EXT1: variants seen among roughly 807,000 people sequenced by gnomAD.
EXT1 encodes the protein exostosin-1.
In EXT1, 20 loss-of-function variants were observed where a neutral mutation model predicts 82.5. That is an observed-to-expected ratio of 0.24 (90% CI 0.17 to 0.35). The LOEUF (loss-of-function observed/expected upper bound fraction) is 0.35. Among genes scored for constraint, EXT1 ranks in the 10% least tolerant of loss-of-function variants. The pLI is 1.00. For synonymous variants in EXT1, 348 were observed against 350.8 expected (o/e 0.99, Z 0.09); for missense variants, 757 against 936.5 (o/e 0.81, Z 2.50).
At chr8:117,941,205 T>C (rs973068710) in intron 1 of EXT1, among the ~76,000 whole-genome samples, 12 of 152,170 alleles carry the variant, frequency 7.9e-5, no homozygotes, top group Non-Finnish European at 1.3e-4. Context: ...AGTAGGGAGA[T>C]TGTCATGTGC....
intron 1 of EXT1, among the ~76,000 whole-genome samples, chr8:118,073,117 G>A (rs991523074): frequency 1.3e-5 from 2 of 152,214 alleles, no homozygotes; most frequent in African/African-American, 2.4e-5. Context: ...AAAAGTTGTA[G>A]TGAAGTCCAC....
chr8:117,804,702 G>T lies in EXT1; in HGVS notation c.2055+20C>A. 1 of 1,613,816 alleles carries T rather than the reference G, an allele frequency of 6.2e-7. No homozygotes were observed. The highest frequency in any genetic ancestry group is 8.5e-7 in the Non-Finnish European group (1 of 1,179,746). On this transcript the variant is annotated intron_variant, in intron 10 of 10. Transcript: ENST00000378204. ...ACCACCAGTGAGTGAAGCAAGGGAAGAGGGCTCTTCTATACTTACCTGTCC... is the reference window on the plus strand; with the variant it reads ...ACCACCAGTGAGTGAAGCAAGGGAATAGGGCTCTTCTATACTTACCTGTCC...
chr8:117,844,363 G>C (rs1812320430), intron 1 of EXT1, among the ~76,000 whole-genome samples: 1 of 151,698 alleles, frequency 6.6e-6, no homozygotes, highest in Non-Finnish European at 1.5e-5. Context: ...TTGTTGCCCA[G>C]GCTGGTCTTG....
At chr8:118,000,252 G>A (rs1187725892) in intron 1 of EXT1, among the ~76,000 whole-genome samples, 7 of 152,178 alleles carry the variant, frequency 4.6e-5, no homozygotes, top group Non-Finnish European at 8.8e-5. Context: ...GGAAACATGA[G>A]CCAGTCCATC....
chr8:117,886,962 A>G (rs775869948), intron 1 of EXT1, among the ~76,000 whole-genome samples: 2 of 152,222 alleles, frequency 1.3e-5, no homozygotes, highest in Non-Finnish European at 2.9e-5. Context: ...ATGAGTTCCC[A>G]GCTAGGTGAC....
At chr8:118,027,151 T>A (rs986817068) in intron 1 of EXT1, among the ~76,000 whole-genome samples, 1 of 152,130 alleles carries the variant, frequency 6.6e-6, no homozygotes, top group Non-Finnish European at 1.5e-5. Flanking sequence ...TTTAGAGAAA[T>A]TGCAAGCACT....
At chr8:117,886,287 C>G (rs982894655) in intron 1 of EXT1, among the ~76,000 whole-genome samples, 1 of 152,050 alleles carries the variant, frequency 6.6e-6, no homozygotes, top group East Asian at 1.9e-4. Context: ...AAATGGAAAC[C>G]ACCTTATACT....
chr8:118,069,020 C>A (rs1817039878), intron 1 of EXT1, among the ~76,000 whole-genome samples: 1 of 152,110 alleles, frequency 6.6e-6, no homozygotes, highest in African/African-American at 2.4e-5. Flanking sequence ...GTACCTACAC[C>A]CCCTTCTAGC....
intron 8 of EXT1, among the ~76,000 whole-genome samples, chr8:117,812,291 C>T (rs951461553): frequency 6.6e-6 from 1 of 152,114 alleles, no homozygotes; most frequent in Non-Finnish European, 1.5e-5. Context: ...CTCCTCCACG[C>T]GCATTCTTTA....
rs950455855 is a variant in EXT1, at chr8:117,927,804, G to A, written c.963-90603C>T. Among the ~76,000 whole-genome samples the A allele has an allele frequency of 3.3e-5, 5 of 152,272 alleles. No homozygotes were observed. In the East Asian group the frequency reaches 9.6e-4, roughly 29 times the overall value. Reference sequence around the variant, plus strand: ...GGTGCCATGCTTCGTTTAATGCTCTGCTGTGTCTTGAAATCCTGAACAATT... The same window carrying A: ...GGTGCCATGCTTCGTTTAATGCTCTACTGTGTCTTGAAATCCTGAACAATT... On this transcript the variant is annotated intron_variant, in intron 1 of 10. Transcript: ENST00000378204.
intron 1 of EXT1, among the ~76,000 whole-genome samples, chr8:117,885,696 T>C (rs761127450): frequency 2.2e-4 from 34 of 152,234 alleles, no homozygotes; most frequent in Non-Finnish European, 3.8e-4. Flanking sequence ...CTTTTCTTCC[T>C]GTCCTGTCTC....
intron 1 of EXT1, among the ~76,000 whole-genome samples, chr8:118,002,528 C>CTTTTTTTTTT (rs60354141): frequency 2.3e-5 from 2 of 87,096 alleles, no homozygotes; most frequent in African/African-American, 9.4e-5. Context: ...GAATATTTTT[C>CTTTTTTTTTT]TTTTTTTTTT....
intron 3 of EXT1, among the ~76,000 whole-genome samples, chr8:117,830,896 A>C (rs1020192760): frequency 3.3e-5 from 5 of 152,054 alleles, no homozygotes; most frequent in Non-Finnish European, 7.4e-5. Flanking sequence ...TGCTCCCTAT[A>C]TCTCTCTTTC....
chr8:117,988,705 C>G (rs991332264), intron 1 of EXT1, among the ~76,000 whole-genome samples: 6 of 152,086 alleles, frequency 3.9e-5, no homozygotes, highest in African/African-American at 1.2e-4. Context: ...CATGCTGCCC[C>G]CAGGGAAGTC....
chr8:117,926,199 T>C (rs1025645454), intron 1 of EXT1, among the ~76,000 whole-genome samples: 3 of 152,216 alleles, frequency 2.0e-5, no homozygotes, highest in African/African-American at 7.2e-5. Context: ...TGGGGAACTT[T>C]GATATTATTC....
intron 1 of EXT1, among the ~76,000 whole-genome samples, chr8:117,970,325 A>C (rs1021874995): frequency 8.8e-5 from 13 of 147,956 alleles, no homozygotes; most frequent in African/African-American, 3.3e-4. Context: ...TTTTTTTGAC[A>C]CGGAGTCTCA....
In EXT1 at chr8:117,977,076, A is replaced by AT. The variant is rs571433773; in HGVS notation, c.962+133008dup. 4.5e-3 allele frequency among the ~76,000 whole-genome samples: 690 copies of AT among 152,096 alleles called. 3 individuals carry two copies. Among genetic ancestry groups the AT allele is most frequent in the African/African-American group, 0.012 (480 of 41,498 alleles). On this transcript the variant is annotated intron_variant, in intron 1 of 10. Coordinates refer to ENST00000378204, the MANE Select transcript of EXT1 (RefSeq NM_000127.3). ...GCTTATATGAGGACACTTAATCCTG[A>AT]TTTTTTTTAAAAAGATGACCATATA... is the stretch of plus-strand genomic sequence containing the variant.
chr8:117,979,678 T>G (rs570009540), intron 1 of EXT1, among the ~76,000 whole-genome samples: 4 of 152,290 alleles, frequency 2.6e-5, no homozygotes, highest in Non-Finnish European at 5.9e-5. Flanking sequence ...TTATCCTAGA[T>G]GCGTAATCTC....
intron 4 of EXT1, among the ~76,000 whole-genome samples, chr8:117,824,442 T>C (rs1343087218): frequency 1.3e-5 from 2 of 152,182 alleles, no homozygotes; most frequent in African/African-American, 2.4e-5. Context: ...CAGAAAGACA[T>C]AGGACAGGTA....
Sources: allele counts gnomAD v4.1 joint callset (sites outside exome capture counted in the v4.1 genomes callset), GRCh38; gene constraint gnomAD v4.1.1; transcripts MANE v1.5; gene names NCBI Gene and HGNC (gene_info 2026-07-23, HGNC 2026-07-21).